Variants in FLNB observed in about 807,000 individuals in gnomAD.
The protein encoded by FLNB is filamin B, also known as filamin-B.
A neutral mutation model predicts 250.6 loss-of-function variants in FLNB; 111 were observed. The observed-to-expected ratio is 0.44, with a 90% CI of 0.38 to 0.52. The LOEUF (loss-of-function observed/expected upper bound fraction) is 0.52. Ranked by LOEUF, FLNB falls within the 20% of genes least tolerant of loss-of-function variation. The pLI is 0.00. For synonymous variants in FLNB, 1,302 were observed against 1,372.1 expected (o/e 0.95, Z 1.13); for missense variants, 2,869 against 3,447.8 (o/e 0.83, Z 4.20).
intron 1 of FLNB, among the ~76,000 whole-genome samples, chr3:58,048,643 T>C (rs1390191219): frequency 1.3e-5 from 2 of 152,356 alleles, no homozygotes; most frequent in South Asian, 2.1e-4. Flanking sequence ...TCTCCTAGTA[T>C]AATGATTAGG....
intron 11 of FLNB, among the ~76,000 whole-genome samples, 191 bp from the exon 12 acceptor site, chr3:58,106,489 T>C (rs971108225): frequency 6.6e-6 from 1 of 150,858 alleles, no homozygotes; most frequent in Admixed American, 6.6e-5. Context: ...AAAATATATA[T>C]ATATTTTCCA....
Position 58,135,959 on chromosome 3 carries a change from C to G in FLNB, c.4672-20C>G. 1 of 1,612,598 alleles carries G rather than the reference C, an allele frequency of 6.2e-7. No individual in the cohort carries two copies. The highest frequency in any genetic ancestry group is 8.5e-7 in the Non-Finnish European group (1 of 1,178,962). Reference sequence around the variant, plus strand: ...TACATCTTGACAACATCCTAAATAGCATTTCTCTATGATCCACAGGACCAA... The same window carrying G: ...TACATCTTGACAACATCCTAAATAGGATTTCTCTATGATCCACAGGACCAA... On this transcript the variant is annotated intron_variant, in intron 27 of 45. Transcript: ENST00000295956.
chr3:58,080,217 TG>T (rs2097207228), intron 3 of FLNB, among the ~76,000 whole-genome samples: 1 of 152,192 alleles, frequency 6.6e-6, no homozygotes, highest in Non-Finnish European at 1.5e-5. Flanking sequence ...TGTTTTCTGG[TG>T]CTTTTTATCA....
In FLNB at chr3:58,098,734, G is replaced by A. The variant is rs763583078; in HGVS notation, c.1171G>A (p.Val391Met). The change falls in exon 8 of 46, where the codon GTG (valine) becomes ATG (methionine). Residue 391 changes from valine to methionine, a missense_variant. Val to Met is a conservative substitution (Grantham distance 21). Coordinates refer to ENST00000295956, the MANE Select transcript of FLNB (RefSeq NM_001457.4). ...AGGAGCTGGTGTGGGTGACATTGGT[G>A]TGGAGGTGGAAGATCCCCAGGGGAA... ...TAGAGVGDIGVEVEDPQGKNT... is the reference protein window; with the variant it reads ...TAGAGVGDIGMEVEDPQGKNT... 2 of 1,614,174 alleles carry A rather than the reference G, an allele frequency of 1.2e-6. No homozygotes were observed. The highest frequency in any genetic ancestry group is 1.1e-5 in the South Asian group (1 of 91,080).
chr3:58,133,830 T>C (rs1449566400), intron 26 of FLNB, among the ~76,000 whole-genome samples: 1 of 152,224 alleles, frequency 6.6e-6, no homozygotes, highest in East Asian at 1.9e-4. Context: ...ATGTAATTTA[T>C]AAATTACATT....
At chr3:58,018,119 A>C (rs1398013378) in intron 1 of FLNB, among the ~76,000 whole-genome samples, 1 of 151,880 alleles carries the variant, frequency 6.6e-6, no homozygotes, top group African/African-American at 2.4e-5. Flanking sequence ...TATTTCTCAC[A>C]CCTTCCGTCT....
intron 28 of FLNB, among the ~76,000 whole-genome samples, chr3:58,137,983 G>A (rs988021595): frequency 2.6e-4 from 40 of 152,314 alleles, no homozygotes; most frequent in African/African-American, 9.4e-4. Context: ...TTAAGAAAAT[G>A]CCCAATATGT....
chr3:58,103,240 G>C (rs1007326599), intron 9 of FLNB, among the ~76,000 whole-genome samples: 7 of 150,772 alleles, frequency 4.6e-5, no homozygotes, highest in Non-Finnish European at 8.9e-5. Context: ...TTCCCTCCCA[G>C]ATTATTCCAA....
intron 1 of FLNB, among the ~76,000 whole-genome samples, chr3:58,070,568 G>A (rs1048141915): frequency 1.3e-5 from 2 of 152,056 alleles, no homozygotes; most frequent in East Asian, 3.8e-4. Context: ...ACAGTGCATG[G>A]CATCCTGTTC....
At chr3:58,090,631 G>T (rs557834601) in intron 4 of FLNB, among the ~76,000 whole-genome samples, 8 of 152,164 alleles carry the variant, frequency 5.3e-5, no homozygotes, top group Admixed American at 2.6e-4. Context: ...GACCATCATT[G>T]TATGTGTGGA....
intron 31 of FLNB, 114 bp from the exon 32 acceptor site, chr3:58,143,340 TGAATGTTTTAGGCAGCAAC>T: frequency 1.1e-6 from 1 of 918,448 alleles, no homozygotes; most frequent in Non-Finnish European, 1.7e-6. Context: ...TTGTGGGACT[TGAATGTTTTAGGCAGCAAC>T]GAATGTTCTT....
intron 38 of FLNB, chr3:58,150,673 A>G (rs575021169): frequency 8.1e-6 from 2 of 247,924 alleles, no homozygotes; most frequent in South Asian, 1.1e-4. Context: ...TCGCTGGGCC[A>G]CATCTAGCCC....
rs1250229819 is a variant in FLNB at position 58,153,420 on chromosome 3, G to A, written c.6413G>A (p.Gly2138Asp). ...DMSAHVTSPS[G>D]RVTEAEIVPM... Reference sequence around the variant, plus strand: ...TCGGCCCACGTCACCAGCCCCTCTGGCCGTGTGACTGAGGCAGAGATTGTG... The same window carrying A: ...TCGGCCCACGTCACCAGCCCCTCTGACCGTGTGACTGAGGCAGAGATTGTG... The change falls in exon 39 of 46, where the codon GGC becomes GAC. Residue 2138 changes from glycine (G) to aspartate (D), a missense_variant. Transcript: ENST00000295956. 5.6e-6 allele frequency: 9 copies of A among 1,614,114 alleles called. No homozygotes were observed. The highest frequency in any genetic ancestry group is 1.7e-5 in the Admixed American group (1 of 60,018).
intron 11 of FLNB, 55 bp from the exon 12 acceptor site, chr3:58,106,625 G>C: frequency 1.3e-6 from 2 of 1,535,374 alleles, no homozygotes; most frequent in Non-Finnish European, 1.8e-6. Context: ...TCGTAACATA[G>C]AATAGGTGCT....
chr3:58,030,856 C>T (rs2097129842), intron 1 of FLNB, among the ~76,000 whole-genome samples: 1 of 151,446 alleles, frequency 6.6e-6, no homozygotes, highest in Non-Finnish European at 1.5e-5. Context: ...TGCCCTCCAG[C>T]CTGGGCAACA....
rs2097336702 is a variant in FLNB at position 58,146,962 on chromosome 3, C to G, written c.5697C>G (p.Ile1899Met). 2.5e-6 allele frequency: 4 copies of G among 1,614,024 alleles called. No homozygotes were observed. ...SILVKYNDKH[I>M]PGSPFTAKIT... ...TGGTCAAGTACAATGACAAGCACAT[C>G]CCTGGCAGCCCCTTCACAGCCAAGA... The change falls in exon 34 of 46, where the codon ATC becomes ATG. Residue 1899 changes from isoleucine (I) to methionine (M), a missense_variant. Ile to Met is a conservative substitution (Grantham distance 10). Transcript: ENST00000295956.
chr3:58,050,530 G>C (rs907952063), intron 1 of FLNB, among the ~76,000 whole-genome samples: 3 of 152,194 alleles, frequency 2.0e-5, no homozygotes, highest in African/African-American at 7.2e-5. Flanking sequence ...TTGTGGTTCA[G>C]ATTTCTCTGG....
intron 29 of FLNB, among the ~76,000 whole-genome samples, chr3:58,139,566 A>G (rs573277873): frequency 6.6e-6 from 1 of 152,362 alleles, no homozygotes; most frequent in African/African-American, 2.4e-5. Flanking sequence ...ACGTCTGTTT[A>G]TCTGTAAACA....
chr3:58,034,922 T>C (rs1333549330), intron 1 of FLNB, among the ~76,000 whole-genome samples: 1 of 152,218 alleles, frequency 6.6e-6, no homozygotes, highest in East Asian at 1.9e-4. Flanking sequence ...TCACTGTGAT[T>C]GGACCAGCCT....
Sources: gnomAD v4.1 joint callset for allele counts (sites outside exome capture counted in the v4.1 genomes callset) on GRCh38, gnomAD v4.1.1 for gene constraint, MANE v1.5 for transcripts, NCBI Gene and HGNC (gene_info 2026-07-23, HGNC 2026-07-21) for gene names.